Variants in SHANK2 observed in about 807,000 individuals in gnomAD.
The protein encoded by SHANK2 is SH3 and multiple ankyrin repeat domains 2, also known as SH3 and multiple ankyrin repeat domains protein 2.
SHANK2 carries 43 observed loss-of-function variants against 133.7 expected under a neutral mutation model. That is an observed-to-expected ratio of 0.32 (90% confidence interval 0.25 to 0.41). The LOEUF (loss-of-function observed/expected upper bound fraction) is 0.41. Among genes scored for constraint, SHANK2 ranks in the 10% least tolerant of loss-of-function variants. The probability of loss-of-function intolerance (pLI) is 1.00; values close to 1 mark genes in which losing one functional copy is unlikely to be tolerated. For synonymous variants in SHANK2, 1,017 were observed against 952.8 expected (o/e 1.07, Z -1.24); for missense variants, 1,994 against 2,235.8 (o/e 0.89, Z 2.18).
intron 1 of SHANK2, among the ~76,000 whole-genome samples, chr11:71,229,105 G>A (rs1555122634): frequency 2.0e-5 from 3 of 152,182 alleles, no homozygotes; most frequent in Non-Finnish European, 2.9e-5. Context: ...AAGAACATCT[G>A]CGAAGAAACA....
Position 70,932,839 on chromosome 11 carries a change from GA to G in SHANK2, c.1108-36273del, listed in dbSNP as rs1237695749. On this transcript the variant is annotated intron_variant, in intron 10 of 25. Coordinates refer to ENST00000601538, the MANE Select transcript of SHANK2 (RefSeq NM_012309.5). ...CGTGAATTAGCATGGCTACTACATA[GA>G]AAAAAAAAGGAAAAAGAAAATTACA... Among the ~76,000 whole-genome samples the G allele has an allele frequency of 5.3e-5, 8 of 150,856 alleles. 1 individual carries two copies. The highest frequency in any genetic ancestry group is 4.2e-4 in the South Asian group (2 of 4,764).
intron 17 of SHANK2, among the ~76,000 whole-genome samples, chr11:70,511,711 T>C (rs937361320): frequency 6.6e-6 from 1 of 152,164 alleles, no homozygotes; most frequent in African/African-American, 2.4e-5. Flanking sequence ...CACCCTTACA[T>C]ACAGACATGG....
intron 21 of SHANK2, among the ~76,000 whole-genome samples, chr11:70,497,269 AG>A (rs1488525074): frequency 6.6e-6 from 1 of 152,176 alleles, no homozygotes. Context: ...GAGACTTTTC[AG>A]AAAAGCCACA....
At chr11:70,797,848 C>CACACACACAT (rs554161148) in intron 14 of SHANK2, among the ~76,000 whole-genome samples, 4 of 151,550 alleles carry the variant, frequency 2.6e-5, no homozygotes, top group Non-Finnish European at 4.4e-5. Context: ...CACACACACA[C>CACACACACAT]ACACACACAC....
intron 2 of SHANK2, among the ~76,000 whole-genome samples, chr11:71,150,191 AGGAGAGGGAGGGAAGGAGAGGGAGGGAG>A (rs1555107742): frequency 1.2e-3 from 2 of 1,702 alleles, no homozygotes; most frequent in South Asian, 0.17. Context: ...GAGGGAGGGA[AGGAGAGGGAGGGAAGGAGAGGGAGGGAG>A]GGAGAGGGAG....
At chr11:70,738,695 C>T (rs574356635) in intron 14 of SHANK2, among the ~76,000 whole-genome samples, 8 of 152,346 alleles carry the variant, frequency 5.3e-5, no homozygotes, top group African/African-American at 1.9e-4. Context: ...TTATAACCCC[C>T]ATCAGTGCTG....
At chr11:70,674,444 G>A (rs1944871235) in intron 15 of SHANK2, among the ~76,000 whole-genome samples, 1 of 152,062 alleles carries the variant, frequency 6.6e-6, no homozygotes, top group Non-Finnish European at 1.5e-5. Flanking sequence ...CAACTCCCAG[G>A]TTCAAGTGAT....
intron 11 of SHANK2, among the ~76,000 whole-genome samples, chr11:70,867,856 C>T (rs957294469): frequency 7.2e-5 from 11 of 152,196 alleles, no homozygotes; most frequent in Admixed American, 1.3e-4. Context: ...CTGCACCGGC[C>T]GGCCCCCGCC....
chr11:70,689,449 G>A (rs1233174100), intron 15 of SHANK2, among the ~76,000 whole-genome samples: 2 of 152,172 alleles, frequency 1.3e-5, no homozygotes, highest in Admixed American at 6.5e-5. Context: ...CCAGAGCAAT[G>A]AGCTCAATGT....
In SHANK2 at chr11:70,485,511, G is replaced by C. The variant is rs1555152854; in HGVS notation, c.4782C>G (p.Ala1594=). 6.2e-7 allele frequency: 1 copy of C among 1,613,560 alleles called. No homozygotes were observed. Residue 1594 remains alanine, a synonymous_variant, in exon 25 of 26, where the codon GCC becomes GCG. Coordinates refer to ENST00000601538, the MANE Select transcript of SHANK2 (RefSeq NM_012309.5). The surrounding 1 kb of genome is among the most constrained non-coding windows in gnomAD (Gnocchi z 5.8). ...TGGAGGTCCTTGGCTGGAGAACCTT[G>C]GCCATCCCAGGCTGGGCACTGCCCG... is the stretch of plus-strand genomic sequence containing the variant. ...PPPGSAQPGM[A]KVLQPRTSKL...
chr11:70,655,923 C>T (rs1310971211), intron 17 of SHANK2, among the ~76,000 whole-genome samples: 4 of 152,132 alleles, frequency 2.6e-5, no homozygotes, highest in African/African-American at 4.8e-5. Flanking sequence ...TGATTCAGGG[C>T]GTGTGGGCTG....
At chr11:71,183,179 G>A (rs1953594674) in intron 2 of SHANK2, among the ~76,000 whole-genome samples, 1 of 152,194 alleles carries the variant, frequency 6.6e-6, no homozygotes, top group East Asian at 1.9e-4. Flanking sequence ...TGCAGGCTGG[G>A]CTCCAAGGAT....
At chr11:70,730,826 CTTTTTTT>C (rs34081906) in intron 14 of SHANK2, among the ~76,000 whole-genome samples, 28 of 127,402 alleles carry the variant, frequency 2.2e-4, no homozygotes, top group Non-Finnish European at 9.8e-5. Flanking sequence ...TTTTTTATTT[CTTTTTTT>C]TTTTTTTTTT....
At chr11:70,691,010 C>T (rs1198276671) in intron 15 of SHANK2, among the ~76,000 whole-genome samples, 2 of 152,056 alleles carry the variant, frequency 1.3e-5, no homozygotes, top group Non-Finnish European at 2.9e-5. Flanking sequence ...GTGGATGAGG[C>T]TGGGTCAGAG....
intron 17 of SHANK2, among the ~76,000 whole-genome samples, chr11:70,557,149 C>CTCAT (rs56238037): frequency 3.4e-4 from 52 of 150,906 alleles, no homozygotes; most frequent in African/African-American, 1.1e-3. Context: ...CACTAAAAGC[C>CTCAT]TCATTCATTC....
At chr11:70,857,693 C>G (rs185510173) in intron 11 of SHANK2, among the ~76,000 whole-genome samples, 1 of 152,268 alleles carries the variant, frequency 6.6e-6, no homozygotes, top group South Asian at 2.1e-4. Flanking sequence ...AGGGGCATCA[C>G]GGAGCACAAG....
intron 17 of SHANK2, among the ~76,000 whole-genome samples, chr11:70,560,370 G>C (rs2059891695): frequency 6.6e-6 from 1 of 151,992 alleles, no homozygotes; most frequent in East Asian, 1.9e-4. Context: ...ACATGGCTGA[G>C]AGAAATGGAA....
chr11:70,688,975 T>A (rs2134430264), intron 15 of SHANK2, among the ~76,000 whole-genome samples: 1 of 152,360 alleles, frequency 6.6e-6, no homozygotes, highest in East Asian at 1.9e-4. Flanking sequence ...TGCTTAGAAC[T>A]TCTGGTGGGA....
intron 21 of SHANK2, among the ~76,000 whole-genome samples, chr11:70,492,921 G>A (rs1455284456): frequency 6.7e-6 from 1 of 148,772 alleles, no homozygotes; most frequent in East Asian, 2.1e-4. Context: ...TCAGCCTCAA[G>A]AGTAGCTGGG....
Sources: allele counts gnomAD v4.1 joint callset (sites outside exome capture counted in the v4.1 genomes callset), GRCh38; gene constraint gnomAD v4.1.1; non-coding constraint Gnocchi (gnomAD v3.1); transcripts MANE v1.5; gene names NCBI Gene and HGNC (gene_info 2026-07-23, HGNC 2026-07-21).